MECOM: variants seen among roughly 807,000 people sequenced by gnomAD.
MECOM encodes MDS1 and EVI1 complex locus, also known as histone-lysine N-methyltransferase MECOM.
MECOM carries 13 observed loss-of-function variants against 116.3 expected under a neutral mutation model. The observed-to-expected ratio is 0.11, with a 90% CI of 0.07 to 0.18. MECOM has a LOEUF of 0.18. Ranked by LOEUF, MECOM falls within the 10% of genes least tolerant of loss-of-function variation. The pLI, the probability that MECOM is intolerant of heterozygous loss-of-function variation, is 1.00. For missense variants in MECOM, 1,299 were observed against 1,509.0 expected (o/e 0.86, Z 2.31); for synonymous variants, 528 against 535.2 (o/e 0.99, Z 0.19).
At chr3:169,382,078 A>T (rs1211864267) in intron 1 of MECOM, among the ~76,000 whole-genome samples, 1 of 152,142 alleles carries the variant, frequency 6.6e-6, no homozygotes, top group Non-Finnish European at 1.5e-5. Flanking sequence ...AATTTTGAAC[A>T]TGTCACCAAG....
chr3:169,150,125 G>A (rs1279187975), intron 2 of MECOM, among the ~76,000 whole-genome samples: 1 of 152,024 alleles, frequency 6.6e-6, no homozygotes. Context: ...TTAAAGATAG[G>A]GTTCTGAAAT....
intron 2 of MECOM, among the ~76,000 whole-genome samples, chr3:169,188,989 C>T (rs953546785): frequency 1.2e-4 from 19 of 152,044 alleles, no homozygotes; most frequent in African/African-American, 4.3e-4. Context: ...ATATTTGCAT[C>T]CTATAATGTG....
At chr3:169,203,164 G>A (rs1002309001) in intron 2 of MECOM, among the ~76,000 whole-genome samples, 11 of 152,106 alleles carry the variant, frequency 7.2e-5, no homozygotes, top group African/African-American at 1.4e-4. Flanking sequence ...AGAACTGTCC[G>A]TGGTTTACAC....
intron 2 of MECOM, among the ~76,000 whole-genome samples, chr3:169,233,836 A>G (rs1753704407): frequency 6.6e-6 from 1 of 152,168 alleles, no homozygotes; most frequent in Admixed American, 6.6e-5. Flanking sequence ...TCACAGTAAC[A>G]TGATTTTCAT....
chr3:169,526,408 A>G (rs925231285), intron 1 of MECOM, among the ~76,000 whole-genome samples: 1 of 152,224 alleles, frequency 6.6e-6, no homozygotes, highest in Non-Finnish European at 1.5e-5. Context: ...ACACTTAGGA[A>G]AACGTTTTGA....
intron 1 of MECOM, among the ~76,000 whole-genome samples, chr3:169,655,861 G>C (rs1190731348): frequency 6.6e-6 from 1 of 152,162 alleles, no homozygotes; most frequent in Non-Finnish European, 1.5e-5. Flanking sequence ...AAGATTTATT[G>C]AGCATGTGCC....
intron 2 of MECOM, among the ~76,000 whole-genome samples, chr3:169,183,751 GATACATAC>G (rs1190735327): frequency 8.9e-6 from 1 of 112,192 alleles, no homozygotes. Flanking sequence ...GACTGTAGAA[GATACATAC>G]ATACACACAC....
chr3:169,527,008 G>C (rs957719125), intron 1 of MECOM, among the ~76,000 whole-genome samples: 5 of 152,156 alleles, frequency 3.3e-5, no homozygotes, highest in African/African-American at 9.7e-5. Flanking sequence ...GACGAGTTTC[G>C]TATTTCTTCA....
chr3:169,237,558 C>T (rs1050077468), intron 2 of MECOM, among the ~76,000 whole-genome samples: 1 of 138,056 alleles, frequency 7.2e-6, no homozygotes, highest in Non-Finnish European at 1.5e-5. Flanking sequence ...AGAATGCATG[C>T]TTCATGAGGG....
chr3:169,623,582 A>G (rs573695154), intron 1 of MECOM, among the ~76,000 whole-genome samples: 4 of 152,176 alleles, frequency 2.6e-5, no homozygotes, highest in South Asian at 2.1e-4. Context: ...GCCCAATCTC[A>G]TCTGAAATAT....
intron 2 of MECOM, among the ~76,000 whole-genome samples, chr3:169,379,207 G>A (rs1284214750): frequency 6.6e-6 from 1 of 150,726 alleles, no homozygotes; most frequent in Admixed American, 6.6e-5. Flanking sequence ...CTGCTCCTCT[G>A]TGGAAAACAA....
At chr3:169,601,998 C>T (rs1299543897) in intron 1 of MECOM, among the ~76,000 whole-genome samples, 1 of 152,148 alleles carries the variant, frequency 6.6e-6, no homozygotes, top group African/African-American at 2.4e-5. Flanking sequence ...TAAATACCAT[C>T]CCCCTTCAAG....
chr3:169,565,406 A>C lies in MECOM; in HGVS notation c.37+97930T>G, dbSNP rs116549267. Among the ~76,000 whole-genome samples, 456 of 152,282 alleles carry C rather than the reference A, an allele frequency of 3.0e-3. 4 individuals are homozygous for C. Among genetic ancestry groups the C allele is most frequent in the African/African-American group, 0.01 (434 of 41,568 alleles). ...CTTCACCCGGGCTTTCCTCGGATCCACTGCCCCCTCCTCACTCACTGTCTT... is the reference window on the plus strand; with the variant it reads ...CTTCACCCGGGCTTTCCTCGGATCCCCTGCCCCCTCCTCACTCACTGTCTT... On this transcript the variant is annotated intron_variant, in intron 1 of 16. Transcript: ENST00000651503.
In MECOM at chr3:169,333,082, C is replaced by T. The variant is rs183512338; in HGVS notation, c.375+48105G>A. ...AAATTTAAATTAATAATATCCTTTT[C>T]CTTTATGTCTGACCACCAAACATGT... On this transcript the variant is annotated intron_variant, in intron 2 of 16. Coordinates refer to ENST00000651503, the MANE Select transcript of MECOM (RefSeq NM_004991.4). Among the ~76,000 whole-genome samples the T allele has an allele frequency of 8.0e-3, 1,216 of 152,270 alleles. 16 individuals are homozygous for T. Among genetic ancestry groups the T allele is most frequent in the African/African-American group, 0.027 (1,143 of 41,574 alleles).
chr3:169,144,515 T>C lies in MECOM; in HGVS notation c.376-683A>G, dbSNP rs77989908. Among the ~76,000 whole-genome samples, 712 of 152,278 alleles carry C rather than the reference T, an allele frequency of 4.7e-3. 3 individuals carry two copies. Among genetic ancestry groups the C allele is most frequent in the Non-Finnish European group, 7.2e-3 (487 of 67,994 alleles). Reference sequence around the variant, plus strand: ...GCTCCTTGTGAACAAATAAAAAATATATTAAAATACTGTAATGAACTGCCA... The same window carrying C: ...GCTCCTTGTGAACAAATAAAAAATACATTAAAATACTGTAATGAACTGCCA... On this transcript the variant is annotated intron_variant, in intron 2 of 16. Coordinates refer to ENST00000651503, the MANE Select transcript of MECOM (RefSeq NM_004991.4).
intron 2 of MECOM, among the ~76,000 whole-genome samples, chr3:169,369,711 G>A (rs551669911): frequency 1.3e-5 from 2 of 151,774 alleles, no homozygotes; most frequent in South Asian, 2.1e-4. Context: ...CACTAATGAC[G>A]TTCAAACTCA....
rs1008811893 is a variant in MECOM at position 169,485,557 on chromosome 3, G to A, written c.38-104033C>T. Among the ~76,000 whole-genome samples, 5 of 151,938 alleles carry A rather than the reference G, an allele frequency of 3.3e-5. No individual in the cohort carries two copies. In the East Asian group the frequency reaches 5.8e-4, roughly 18 times the overall value. The stretch of plus-strand genomic sequence containing the variant: ...ATTACTAGAAGTTTGGAGGTGAGAG[G>A]AAACTTGAAGATCATCTCATCCAAC... On this transcript the variant is annotated intron_variant, in intron 1 of 16. Coordinates refer to ENST00000651503, the MANE Select transcript of MECOM (RefSeq NM_004991.4).
chr3:169,571,077 T>C (rs1161594429), intron 1 of MECOM, among the ~76,000 whole-genome samples: 1 of 152,198 alleles, frequency 6.6e-6, no homozygotes, highest in Admixed American at 6.5e-5. Flanking sequence ...GACAGAATTG[T>C]ATATTTAGAA....
rs1729006464 is a variant in MECOM at position 169,115,878 on chromosome 3, A to G, written c.1994T>C (p.Ile665Thr). ...SGAVNDSIKA[I>T]ASIAEKYFGS... ...AAAGTATTTTTCAGCAATAGAAGCA[A>G]TAGCCTTTATAGAATCATTCACAGC... Residue 665 changes from isoleucine (I) to threonine (T), a missense_variant, in exon 8 of 17, where the codon ATT becomes ACT. Ile to Thr is a moderately conservative substitution (Grantham distance 89). Around this residue, in one of 6 missense-constraint regions of MECOM, gnomAD observed 340 missense variants for 312.6 expected, o/e 1.09. Coordinates refer to ENST00000651503, the MANE Select transcript of MECOM (RefSeq NM_004991.4). The G allele has an allele frequency of 6.2e-7, 1 of 1,614,092 alleles. No individual in the cohort carries two copies. The highest frequency in any genetic ancestry group is 8.5e-7 in the Non-Finnish European group (1 of 1,180,028).
Sources: allele counts gnomAD v4.1 joint callset (sites outside exome capture counted in the v4.1 genomes callset), GRCh38; gene constraint gnomAD v4.1.1; regional missense constraint gnomAD v4.1.1; transcripts MANE v1.5; gene names NCBI Gene and HGNC (gene_info 2026-07-23, HGNC 2026-07-21).